CPQ: variants seen among roughly 807,000 people sequenced by gnomAD.
CPQ encodes the protein Ser-Met dipeptidase.
A neutral mutation model predicts 45.7 loss-of-function variants in CPQ; 37 were observed. The ratio of observed to expected loss-of-function variants is 0.81; its 90% CI spans 0.62 to 1.07. The LOEUF (loss-of-function observed/expected upper bound fraction) is 1.07. CPQ is among the 50% of genes least tolerant of loss of function. CPQ has a pLI of 0.00. For synonymous variants in CPQ, 186 were observed against 205.8 expected, an observed-to-expected ratio of 0.90 and a Z score of 0.82; for missense variants, 537 against 572.9, an observed-to-expected ratio of 0.94 and a Z score of 0.64.
chr8:97,055,617 C>G (rs1810442160), intron 6 of CPQ: 1 of 151,876 alleles, frequency 6.6e-6, no homozygotes, highest in East Asian at 1.9e-4. Context: ...TGAGTCAGAA[C>G]AGGGAAACTG....
intron 1 of CPQ, among the ~76,000 whole-genome samples, chr8:96,655,814 T>C (rs1404076059): frequency 6.6e-6 from 1 of 152,226 alleles, no homozygotes; most frequent in Non-Finnish European, 1.5e-5. Flanking sequence ...TAGTTGTAAG[T>C]TGAACCATCA....
intron 3 of CPQ, among the ~76,000 whole-genome samples, chr8:96,857,797 T>C (rs1373139040): frequency 2.6e-5 from 4 of 152,188 alleles, no homozygotes; most frequent in Non-Finnish European, 5.9e-5. Flanking sequence ...GAAAGCAAGA[T>C]TGATCAGAAA....
intron 3 of CPQ, among the ~76,000 whole-genome samples, chr8:96,856,918 G>A (rs1811859275): frequency 1.3e-5 from 2 of 152,308 alleles, no homozygotes; most frequent in Middle Eastern, 3.4e-3. Flanking sequence ...GATAGTATGT[G>A]CCCAGGAAAT....
chr8:96,827,982 A>G (rs1811400602), intron 2 of CPQ, among the ~76,000 whole-genome samples: 1 of 152,130 alleles, frequency 6.6e-6, no homozygotes, highest in African/African-American at 2.4e-5. Context: ...TTAGTTTTGA[A>G]TGATCTGATG....
At chr8:96,997,960 T>G (rs1809204861) in intron 5 of CPQ, among the ~76,000 whole-genome samples, 1 of 152,010 alleles carries the variant, frequency 6.6e-6, no homozygotes, top group South Asian at 2.1e-4. Context: ...CTAAATATTT[T>G]GAAATCTAAC....
chr8:96,812,803 C>T (rs991945100), intron 2 of CPQ, among the ~76,000 whole-genome samples: 3 of 151,836 alleles, frequency 2.0e-5, no homozygotes, highest in Non-Finnish European at 2.9e-5. Flanking sequence ...AATGCTGAGT[C>T]TCTCCGAAGG....
intron 3 of CPQ, among the ~76,000 whole-genome samples, chr8:96,874,004 C>T (rs1233634263): frequency 6.6e-6 from 1 of 151,780 alleles, no homozygotes; most frequent in Non-Finnish European, 1.5e-5. Context: ...TATTTAAGCA[C>T]TGCATTTATT....
At chr8:96,827,627 T>C (rs144215823) in intron 2 of CPQ, among the ~76,000 whole-genome samples, 6 of 152,198 alleles carry the variant, frequency 3.9e-5, no homozygotes, top group Middle Eastern at 3.4e-3. Flanking sequence ...CTTTGTCTTA[T>C]AGTGCTTTAT....
At chr8:96,710,059 A>G (rs1019029028) in intron 1 of CPQ, among the ~76,000 whole-genome samples, 4 of 151,994 alleles carry the variant, frequency 2.6e-5, no homozygotes, top group African/African-American at 9.7e-5. Flanking sequence ...TACTGATTCG[A>G]TGTTACTGCT....
At chr8:96,787,633 C>G (rs577954487) in intron 2 of CPQ, among the ~76,000 whole-genome samples, 37 of 139,216 alleles carry the variant, frequency 2.7e-4, no homozygotes, top group Non-Finnish European at 4.8e-4. Flanking sequence ...GAGATTACAA[C>G]TGACTGCTAT....
At chr8:96,999,233 T>G (rs1341196789) in intron 5 of CPQ, among the ~76,000 whole-genome samples, 1 of 151,356 alleles carries the variant, frequency 6.6e-6, no homozygotes, top group Non-Finnish European at 1.5e-5. Flanking sequence ...TCTTATCCTT[T>G]TTTTTTTTTT....
chr8:96,796,253 C>G (rs1247849506), intron 2 of CPQ, among the ~76,000 whole-genome samples: 5 of 151,956 alleles, frequency 3.3e-5, no homozygotes. Flanking sequence ...GCTTATTGTT[C>G]AAGTTAATAT....
intron 1 of CPQ, among the ~76,000 whole-genome samples, chr8:96,770,489 G>T (rs776076338): frequency 2.6e-5 from 4 of 152,028 alleles, no homozygotes; most frequent in Non-Finnish European, 5.9e-5. Flanking sequence ...TTCAGTAGCA[G>T]AGACATTTGA....
At chr8:96,746,025 T>G (rs1810174791) in intron 1 of CPQ, among the ~76,000 whole-genome samples, 2 of 152,212 alleles carry the variant, frequency 1.3e-5, no homozygotes, top group African/African-American at 4.8e-5. Flanking sequence ...TCTCCCTACC[T>G]TCTGAAACTA....
chr8:96,915,777 A>T (rs1430247635), intron 4 of CPQ, among the ~76,000 whole-genome samples: 1 of 152,102 alleles, frequency 6.6e-6, no homozygotes, highest in Non-Finnish European at 1.5e-5. Flanking sequence ...AAGTTCCTTA[A>T]AGGAACTTAG....
intron 1 of CPQ, among the ~76,000 whole-genome samples, chr8:96,771,094 T>C (rs1324947019): frequency 6.9e-6 from 1 of 144,278 alleles, no homozygotes; most frequent in Non-Finnish European, 1.5e-5. Context: ...ATATATATTA[T>C]ATATATATAA....
chr8:96,692,791 A>C (rs996359077), intron 1 of CPQ, among the ~76,000 whole-genome samples: 1 of 152,204 alleles, frequency 6.6e-6, no homozygotes, highest in Non-Finnish European at 1.5e-5. Context: ...GCCAGAGACC[A>C]ATGAACATTC....
intron 2 of CPQ, among the ~76,000 whole-genome samples, chr8:96,811,139 C>A (rs1378006281): frequency 6.6e-6 from 1 of 152,146 alleles, no homozygotes; most frequent in African/African-American, 2.4e-5. Flanking sequence ...TTTGGAACTT[C>A]ATAAGAATCA....
rs1813922599 is a variant in CPQ at position 96,982,591 on chromosome 8, C to T, written c.961+16545C>T. Among the ~76,000 whole-genome samples the T allele has an allele frequency of 2.0e-5, 3 of 152,174 alleles. No homozygotes were observed. In the South Asian group the frequency reaches 6.2e-4, roughly 31 times the overall value. On this transcript the variant is annotated intron_variant, in intron 5 of 7. Coordinates refer to ENST00000220763, the MANE Select transcript of CPQ (RefSeq NM_016134.4). ...CTCCTGGACTCAAGCAACCTTCCTG[C>T]CTTGACCTCCCAAAGTGCTGGGATT...
Sources: allele counts gnomAD v4.1 joint callset (sites outside exome capture counted in the v4.1 genomes callset), GRCh38; gene constraint gnomAD v4.1.1; transcripts MANE v1.5; gene names NCBI Gene and HGNC (gene_info 2026-07-23, HGNC 2026-07-21).